MCPH1: variants seen among roughly 807,000 people sequenced by gnomAD.
MCPH1 encodes the protein microcephalin 1, also known as microcephalin.
MCPH1 carries 104 observed loss-of-function variants against 84.5 expected under a neutral mutation model. That is an observed-to-expected ratio of 1.23 (90% CI 1.05 to 1.45). The LOEUF is 1.45. Ranked by LOEUF, MCPH1 falls within the 40% of genes most tolerant of loss-of-function variation. The probability of loss-of-function intolerance (pLI) is 0.00; values close to 1 mark genes in which losing one functional copy is unlikely to be tolerated. For synonymous variants in MCPH1, 514 were observed against 366.8 expected, an observed-to-expected ratio of 1.40 and a Z score of -4.58; for missense variants, 1,498 against 1,005.7, an observed-to-expected ratio of 1.49 and a Z score of -6.62.
intron 12 of MCPH1, among the ~76,000 whole-genome samples, chr8:6,557,698 C>CAA (rs1246602744): frequency 6.6e-6 from 1 of 151,504 alleles, no homozygotes. Flanking sequence ...TACACACACA[C>CAA]ACACACACAC....
intron 13 of MCPH1, among the ~76,000 whole-genome samples, chr8:6,632,867 AGT>A (rs1172284481): frequency 6.6e-6 from 1 of 152,142 alleles, no homozygotes; most frequent in African/African-American, 2.4e-5. Context: ...CAAATTTGGT[AGT>A]GTGTTTTTAA....
At chr8:6,588,845 G>A (rs953577392) in intron 12 of MCPH1, among the ~76,000 whole-genome samples, 8 of 152,234 alleles carry the variant, frequency 5.3e-5, no homozygotes, top group African/African-American at 1.2e-4. Flanking sequence ...CCAGCACCAC[G>A]ACAGGCAGGC....
intron 9 of MCPH1, among the ~76,000 whole-genome samples, chr8:6,465,337 C>T (rs776920100): frequency 6.6e-6 from 1 of 152,184 alleles, no homozygotes; most frequent in Non-Finnish European, 1.5e-5. Context: ...GTTTAGGCAG[C>T]GGCCACTTCC....
chr8:6,625,342 T>G, intron 13 of MCPH1: 1 of 985,470 alleles, frequency 1.0e-6, no homozygotes, highest in Non-Finnish European at 1.2e-6. Flanking sequence ...TATCCATGGA[T>G]GTGTCCTCAT....
At chr8:6,517,279 A>G (rs890554643) in intron 12 of MCPH1, among the ~76,000 whole-genome samples, 7 of 152,190 alleles carry the variant, frequency 4.6e-5, no homozygotes, top group Admixed American at 2.6e-4. Context: ...ATCTTTCTAT[A>G]AAGCTTGATG....
At chr8:6,574,946 G>T (rs1826948316) in intron 12 of MCPH1, among the ~76,000 whole-genome samples, 1 of 152,150 alleles carries the variant, frequency 6.6e-6, no homozygotes, top group Non-Finnish European at 1.5e-5. Context: ...TGACAAACAG[G>T]ATAAATAAAA....
intron 8 of MCPH1, among the ~76,000 whole-genome samples, chr8:6,452,071 C>G (rs985510660): frequency 6.6e-6 from 1 of 152,192 alleles, no homozygotes; most frequent in African/African-American, 2.4e-5. Context: ...AGCCAAGTTT[C>G]TCCTACAGTC....
intron 12 of MCPH1, among the ~76,000 whole-genome samples, chr8:6,543,726 A>G (rs987314494): frequency 2.0e-5 from 3 of 152,066 alleles, no homozygotes; most frequent in Admixed American, 6.6e-5. Context: ...CTTGTATTGG[A>G]TGAGATGATC....
intron 12 of MCPH1, among the ~76,000 whole-genome samples, chr8:6,538,004 TG>T (rs1296285588): frequency 6.6e-6 from 1 of 152,200 alleles, no homozygotes; most frequent in Non-Finnish European, 1.5e-5. Context: ...TTGAATTTTC[TG>T]GTAAATTAAC....
chr8:6,510,029 A>T (rs950002890), intron 12 of MCPH1, among the ~76,000 whole-genome samples: 1 of 152,208 alleles, frequency 6.6e-6, no homozygotes, highest in African/African-American at 2.4e-5. Context: ...ACACCATCGT[A>T]AAGTCGAAAA....
intron 12 of MCPH1, among the ~76,000 whole-genome samples, chr8:6,521,643 C>T (rs1817363296): frequency 6.6e-6 from 1 of 152,114 alleles, no homozygotes; most frequent in Non-Finnish European, 1.5e-5. Flanking sequence ...CAGACTTATG[C>T]ATACACACAA....
intron 9 of MCPH1, among the ~76,000 whole-genome samples, chr8:6,455,622 C>A (rs895830920): frequency 6.6e-6 from 1 of 152,140 alleles, no homozygotes; most frequent in Non-Finnish European, 1.5e-5. Context: ...TTGAACTAAC[C>A]AAGTCTTGAC....
chr8:6,461,671 G>A (rs1370376372), intron 9 of MCPH1, among the ~76,000 whole-genome samples: 1 of 152,108 alleles, frequency 6.6e-6, no homozygotes, highest in Non-Finnish European at 1.5e-5. Context: ...ATCCAGTTAA[G>A]CAGTTTTATT....
chr8:6,540,493 G>T (rs1821343152), intron 12 of MCPH1, among the ~76,000 whole-genome samples: 1 of 152,230 alleles, frequency 6.6e-6, no homozygotes. Flanking sequence ...ATATTTACCA[G>T]ATGTCTGTGA....
intron 7 of MCPH1, 70 bp downstream of exon 7, chr8:6,442,226 T>A (rs1435312241): frequency 1.0e-6 from 1 of 997,058 alleles, no homozygotes; most frequent in Admixed American, 1.9e-5. Flanking sequence ...TGATTTAGAA[T>A]TTCATGTAGC....
chr8:6,489,764 G>C (rs948100301), intron 11 of MCPH1, among the ~76,000 whole-genome samples: 3 of 152,308 alleles, frequency 2.0e-5, no homozygotes, highest in East Asian at 1.9e-4. Flanking sequence ...TCGTCCTAGT[G>C]CTTGGCGATG....
At chr8:6,605,744 C>G (rs2980669) in intron 12 of MCPH1, among the ~76,000 whole-genome samples, 1 of 152,092 alleles carries the variant, frequency 6.6e-6, no homozygotes, top group Non-Finnish European at 1.5e-5. Flanking sequence ...GTCACCCAGG[C>G]TGGAGTGCAG....
Position 6,409,345 on chromosome 8 carries a change from C to A in MCPH1, c.89C>A (p.Thr30Lys). 1 of 1,613,868 alleles carries A rather than the reference C, an allele frequency of 6.2e-7. No individual in the cohort carries two copies. Among genetic ancestry groups the A allele is most frequent in the Non-Finnish European group, 8.5e-7 (1 of 1,179,782 alleles). Residue 30 changes from threonine to lysine, a missense_variant, in exon 2 of 14, where the codon ACA (threonine) becomes AAA (lysine). Physicochemically the swap from Thr to Lys is moderately conservative, Grantham distance 78 (BLOSUM62 -1). Coordinates refer to ENST00000344683, the MANE Select transcript of MCPH1 (RefSeq NM_024596.5). ...GTENYSKTFT[T>K]QLVDMGAKVS... ...GAAAATTATTCAAAGACATTTACAA[C>A]ACAGCTTGTGGATATGGGGGCAAAG...
chr8:6,532,946 T>C (rs147591607), intron 12 of MCPH1, among the ~76,000 whole-genome samples: 11 of 152,354 alleles, frequency 7.2e-5, no homozygotes, highest in African/African-American at 2.4e-4. Flanking sequence ...CACATAGACT[T>C]GAGAAGACAC....
Sources: gnomAD v4.1 joint callset for allele counts (sites outside exome capture counted in the v4.1 genomes callset) on GRCh38, gnomAD v4.1.1 for gene constraint, MANE v1.5 for transcripts, NCBI Gene and HGNC (gene_info 2026-07-23, HGNC 2026-07-21) for gene names.